LRRC75A: variants seen among roughly 807,000 people sequenced by gnomAD.
The protein encoded by LRRC75A is leucine rich repeat containing 75A, also known as leucine-rich repeat-containing protein 75A.
Under a neutral mutation model 26.0 loss-of-function variants are expected in LRRC75A, and 12 were observed. The observed-to-expected ratio is 0.46, with a 90% confidence interval of 0.30 to 0.75. The LOEUF (loss-of-function observed/expected upper bound fraction) is 0.75, where lower values mean the gene tolerates loss of function less well. Ranked by LOEUF, LRRC75A falls within the 30% of genes least tolerant of loss-of-function variation. The pLI is 0.08. For missense variants in LRRC75A, 410 were observed against 486.6 expected, an observed-to-expected ratio of 0.84 and a Z score of 1.48; for synonymous variants, 223 against 219.3, an observed-to-expected ratio of 1.02 and a Z score of -0.15.
intron 2 of LRRC75A, among the ~76,000 whole-genome samples, chr17:16,451,636 T>C (rs866968622): frequency 6.8e-6 from 1 of 147,020 alleles, no homozygotes; most frequent in African/African-American, 2.5e-5. Flanking sequence ...AAAAAAATAA[T>C]AATAATAATA....
intron 1 of LRRC75A, among the ~76,000 whole-genome samples, chr17:16,475,093 G>T: frequency 6.6e-6 from 1 of 152,040 alleles, no homozygotes. Flanking sequence ...GGATCCTTCT[G>T]GCTCCCTAAC....
At chr17:16,483,490 C>T (rs551167055) in intron 1 of LRRC75A, among the ~76,000 whole-genome samples, 10 of 152,282 alleles carry the variant, frequency 6.6e-5, no homozygotes, top group African/African-American at 1.9e-4. Context: ...CCTTAGGGTT[C>T]GAATGTGAAT....
chr17:16,469,805 G>A (rs1031326084), intron 1 of LRRC75A, among the ~76,000 whole-genome samples: 1 of 152,182 alleles, frequency 6.6e-6, no homozygotes, highest in Non-Finnish European at 1.5e-5. Context: ...ATCTCTTCCC[G>A]CCTTGGGAGT....
chr17:16,469,804 C>T (rs1000797656), intron 1 of LRRC75A, among the ~76,000 whole-genome samples: 2 of 152,332 alleles, frequency 1.3e-5, no homozygotes, highest in East Asian at 3.9e-4. Flanking sequence ...CATCTCTTCC[C>T]GCCTTGGGAG....
At chr17:16,455,003 G>T (rs1370021996) in intron 2 of LRRC75A, among the ~76,000 whole-genome samples, 2 of 151,682 alleles carry the variant, frequency 1.3e-5, no homozygotes, top group Non-Finnish European at 2.9e-5. Flanking sequence ...CACCATCTCA[G>T]CTCATTGCAA....
chr17:16,475,106 C>T lies in LRRC75A; in HGVS notation c.247-12720G>A, dbSNP rs143467755. Among the ~76,000 whole-genome samples the T allele has an allele frequency of 3.2e-3, 483 of 152,120 alleles. 2 individuals carry two copies. Among genetic ancestry groups the T allele is most frequent in the African/African-American group, 0.011 (451 of 41,518 alleles). Reference sequence around the variant, plus strand: ...GAGGATCCTTCTGGCTCCCTAACAACCTGAGTTCCAAGCAGGAGTGTCTTC... The same window carrying T: ...GAGGATCCTTCTGGCTCCCTAACAATCTGAGTTCCAAGCAGGAGTGTCTTC... On this transcript the variant is annotated intron_variant, in intron 1 of 3. Transcript: ENST00000470794.
Position 16,462,324 on chromosome 17 carries a change from G to A in LRRC75A, c.309C>T (p.Asn103=), listed in dbSNP as rs775353885. 2 of 1,614,176 alleles carry A rather than the reference G, an allele frequency of 1.2e-6. No homozygotes were observed. The highest frequency in any genetic ancestry group is 8.5e-7 in the Non-Finnish European group (1 of 1,180,016). The change falls in exon 2 of 4, where the codon AAC becomes AAT. Residue 103 remains asparagine (N), a synonymous_variant. Transcript: ENST00000470794. The surrounding 1 kb of genome is among the most constrained non-coding windows in gnomAD (Gnocchi z 4.6). The part of the protein sequence containing the change: ...DVLYRYASFR[N]LVDPITHDLI... ...GGTCGTGTGTGATGGGGTCCACCAG[G>A]TTCCGGAAGCTGGCGTAGCGATACA...
intron 1 of LRRC75A, among the ~76,000 whole-genome samples, chr17:16,468,043 G>A (rs11655230): frequency 0.07 from 10,637 of 152,176 alleles, 457 homozygotes; most frequent in East Asian, 0.16. Flanking sequence ...AAAAAGCCCC[G>A]TAAAATCCCA....
In LRRC75A at chr17:16,460,591, C is replaced by T. The variant is rs180935981; in HGVS notation, c.375+1667G>A. On this transcript the variant is annotated intron_variant, in intron 2 of 3. Transcript: ENST00000470794. ...CCTGCCCCCATGGGCACTGACCACC[C>T]AGGGACCACCGGCCTGTGTCCCGCC... Among the ~76,000 whole-genome samples the T allele has an allele frequency of 3.7e-4, 56 of 152,368 alleles. No individual in the cohort carries two copies. In the East Asian group the frequency reaches 9.3e-3, roughly 25 times the overall value.
chr17:16,479,962 AGT>A (rs1333466196), intron 1 of LRRC75A, among the ~76,000 whole-genome samples: 1 of 152,224 alleles, frequency 6.6e-6, no homozygotes, highest in Non-Finnish European at 1.5e-5. Context: ...ACAGTGGGCC[AGT>A]GTTCCCACCT....
rs1197977706 is a variant in LRRC75A at position 16,491,926 on chromosome 17, G to C, written c.65C>G (p.Pro22Arg). The C allele has an allele frequency of 4.0e-6, 5 of 1,252,654 alleles. No homozygotes were observed. Among genetic ancestry groups the C allele is most frequent in the Non-Finnish European group, 5.0e-6 (5 of 1,001,964 alleles). The allele number at this position is 1,252,654 out of a possible 1,614,324, so 77.6% of individuals were successfully genotyped here. Residue 22 changes from proline (P) to arginine (R), a missense_variant, in exon 1 of 4, where the codon CCC (proline) becomes CGC (arginine). Pro to Arg is a moderately radical substitution (Grantham distance 103). Transcript: ENST00000470794. The surrounding 1 kb of genome is among the most constrained non-coding windows in gnomAD (Gnocchi z 5.9). ...CCAGAAGTCCGGCCGTTCGCGTCGGGGGCCCGGCGCGGCGCCGGGGCTGGC... is the reference window on the plus strand; with the variant it reads ...CCAGAAGTCCGGCCGTTCGCGTCGGCGGCCCGGCGCGGCGCCGGGGCTGGC... Reference protein sequence around the residue: ...ERASPGAAPGPRRERPDFWAS... With the variant: ...ERASPGAAPGRRRERPDFWAS...
intron 1 of LRRC75A, among the ~76,000 whole-genome samples, chr17:16,469,415 G>A (rs905458936): frequency 2.6e-5 from 4 of 152,064 alleles, no homozygotes; most frequent in African/African-American, 9.7e-5. Flanking sequence ...TTCAGAGGTC[G>A]GGGTTCAGGT....
Position 16,491,898 on chromosome 17 carries a change from C to A in LRRC75A, c.93G>T (p.Ala31=). Residue 31 remains alanine (A), a synonymous_variant, in exon 1 of 4, where the codon GCG becomes GCT. Coordinates refer to ENST00000470794, the MANE Select transcript of LRRC75A (RefSeq NM_001113567.3). The surrounding 1 kb of genome is among the most constrained non-coding windows in gnomAD (Gnocchi z 5.9). ...TGTCCCCGGCGCGCAGCAGCAGCGA[C>A]GCCCAGAAGTCCGGCCGTTCGCGTC... ...GPRRERPDFW[A]SLLLRAGDKA... is the part of the protein sequence containing the mutation. 7.7e-7 allele frequency: 1 copy of A among 1,307,072 alleles called. No homozygotes were observed. Among genetic ancestry groups the A allele is most frequent in the Non-Finnish European group, 9.7e-7 (1 of 1,029,676 alleles). The allele number at this position is 1,307,072 out of a possible 1,614,324, so 81.0% of individuals were successfully genotyped here. A position where few individuals can be genotyped will look rare whatever the true frequency, so the allele number is the denominator to read the frequency against.
chr17:16,485,184 C>T (rs1452438901), intron 1 of LRRC75A, among the ~76,000 whole-genome samples: 3 of 152,174 alleles, frequency 2.0e-5, no homozygotes, highest in Non-Finnish European at 4.4e-5. Context: ...CCTGGGCCCT[C>T]TCCTACCTCC....
At chr17:16,457,830 T>TA (rs2093696977) in intron 2 of LRRC75A, among the ~76,000 whole-genome samples, 1 of 150,926 alleles carries the variant, frequency 6.6e-6, no homozygotes, top group African/African-American at 2.4e-5. Context: ...AAAAATTAGC[T>TA]AGGCATGGTG....
At chr17:16,478,730 A>G (rs773286793) in intron 1 of LRRC75A, 4 of 152,168 alleles carry the variant, frequency 2.6e-5, no homozygotes, top group Non-Finnish European at 5.9e-5. Context: ...AACCCCTCTG[A>G]GTTCCTGCTG....
chr17:16,461,702 GCCCCATGCAGGGCCCCGGAC>G (rs2093728894), intron 2 of LRRC75A, among the ~76,000 whole-genome samples: 1 of 152,238 alleles, frequency 6.6e-6, no homozygotes, highest in Non-Finnish European at 1.5e-5. Flanking sequence ...AAAGCGGACA[GCCCCATGCAGGGCCCCGGAC>G]GGCCTTCTAT....
At position 16,492,098 on chromosome 17, in the gene LRRC75A, T is replaced by G; in HGVS notation, c.-108A>C. On this transcript the variant is annotated 5_prime_UTR_variant, in exon 1 of 4. Coordinates refer to ENST00000470794, the MANE Select transcript of LRRC75A (RefSeq NM_001113567.3). ...GCGCTCGCCTCCCGGGCTGCAACTTTGGGGGAACTGTTGCGCGCGGGCGTC... is the reference window on the plus strand; with the variant it reads ...GCGCTCGCCTCCCGGGCTGCAACTTGGGGGGAACTGTTGCGCGCGGGCGTC... 3.2e-6 allele frequency: 3 copies of G among 947,318 alleles called. No individual in the cohort carries two copies. The highest frequency in any genetic ancestry group is 2.5e-6 in the Non-Finnish European group (2 of 790,388). The allele number at this position is 947,318 out of a possible 1,614,324, so 58.7% of individuals were successfully genotyped here. A position where few individuals can be genotyped will look rare whatever the true frequency, so the allele number is the denominator to read the frequency against.
At chr17:16,471,834 G>C (rs904644280) in intron 1 of LRRC75A, among the ~76,000 whole-genome samples, 1 of 152,230 alleles carries the variant, frequency 6.6e-6, no homozygotes, top group Non-Finnish European at 1.5e-5. Context: ...CCACTTACGT[G>C]AGGGACCAAG....
Sources: allele counts gnomAD v4.1 joint callset (sites outside exome capture counted in the v4.1 genomes callset), GRCh38; gene constraint gnomAD v4.1.1; non-coding constraint Gnocchi (gnomAD v3.1); transcripts MANE v1.5; gene names NCBI Gene and HGNC (gene_info 2026-07-23, HGNC 2026-07-21).